LOC400499: variants seen among roughly 807,000 people sequenced by gnomAD.
chr16:11,470,201 C>T, the LOC400499 span, among the ~76,000 whole-genome samples: 4 of 152,200 alleles, frequency 2.6e-5, no homozygotes, highest in East Asian at 1.9e-4. Flanking sequence ...TGAGCCACTG[C>T]GCCTGGCCTC....
the LOC400499 span, among the ~76,000 whole-genome samples, chr16:11,489,948 G>A: frequency 6.6e-6 from 1 of 152,124 alleles, no homozygotes; most frequent in South Asian, 2.1e-4. Context: ...TGCTTCTAAC[G>A]GCAAAAGACC....
chr16:11,445,997 A>G, the LOC400499 span, among the ~76,000 whole-genome samples: 1 of 150,920 alleles, frequency 6.6e-6, no homozygotes, highest in East Asian at 2.0e-4. Context: ...TCTAGTTTTT[A>G]TATTTTTAGT....
At chr16:11,388,722 C>A in the LOC400499 span, among the ~76,000 whole-genome samples, 1 of 152,180 alleles carries the variant, frequency 6.6e-6, no homozygotes, top group Non-Finnish European at 1.5e-5. Context: ...CCCACCTACC[C>A]GCCTCCCCAG....
At chr16:11,389,298 G>A in the LOC400499 span, among the ~76,000 whole-genome samples, 1 of 152,228 alleles carries the variant, frequency 6.6e-6, no homozygotes, top group Non-Finnish European at 1.5e-5. Flanking sequence ...GTATAGCTCA[G>A]GGGTGGTAAA....
chr16:11,473,581 C>T, the LOC400499 span, among the ~76,000 whole-genome samples: 1 of 152,026 alleles, frequency 6.6e-6, no homozygotes, highest in Admixed American at 6.6e-5. Flanking sequence ...GTGGTAAAAC[C>T]CTGTCTCCAC....
the LOC400499 span, chr16:11,456,859 C>T: frequency 6.4e-5 from 98 of 1,536,272 alleles, no homozygotes; most frequent in African/African-American, 1.1e-3. Context: ...CAACACTCAC[C>T]TTCCCACTTC....
At chr16:11,405,733 C>G in the LOC400499 span, among the ~76,000 whole-genome samples, 1 of 152,184 alleles carries the variant, frequency 6.6e-6, no homozygotes, top group Non-Finnish European at 1.5e-5. Flanking sequence ...GGGGCTTCCT[C>G]ACTGCTCACT....
At chr16:11,398,274 C>A in the LOC400499 span, 1 of 1,198,082 alleles carries the variant, frequency 8.3e-7, no homozygotes, top group Non-Finnish European at 1.0e-6. Flanking sequence ...ATTCTGCGGG[C>A]ACCACCCTCA....
chr16:11,430,384 G>T, the LOC400499 span, among the ~76,000 whole-genome samples: 1 of 152,098 alleles, frequency 6.6e-6, no homozygotes, highest in Non-Finnish European at 1.5e-5. Flanking sequence ...AAGCTACTCG[G>T]GAGGCTGAGG....
the LOC400499 span, among the ~76,000 whole-genome samples, chr16:11,503,873 C>T: frequency 6.6e-6 from 1 of 152,240 alleles, no homozygotes; most frequent in African/African-American, 2.4e-5. Context: ...GCCTAAAAGA[C>T]TCTATTGCCC....
At chr16:11,415,281 C>T in the LOC400499 span, among the ~76,000 whole-genome samples, 9 of 152,202 alleles carry the variant, frequency 5.9e-5, no homozygotes, top group African/African-American at 2.2e-4. Context: ...CCAGGAGCCC[C>T]AGAGCAAACA....
chr16:11,448,962 TG>T, the LOC400499 span: 1 of 1,504,180 alleles, frequency 6.6e-7, no homozygotes, highest in Non-Finnish European at 8.9e-7. Flanking sequence ...CAGCTCCTGC[TG>T]GGGGCCTTTC....
the LOC400499 span, among the ~76,000 whole-genome samples, chr16:11,427,158 G>T: frequency 6.6e-6 from 1 of 151,236 alleles, no homozygotes; most frequent in African/African-American, 2.4e-5. Flanking sequence ...AGGAGTTCAA[G>T]ACCAGCCTGA....
chr16:11,446,862 G>C, the LOC400499 span: 19 of 1,536,066 alleles, frequency 1.2e-5, 1 homozygote, highest in East Asian at 3.9e-4. Context: ...CAGCTGTGAA[G>C]GTCTCCTGCA....
chr16:11,493,597 C>T, the LOC400499 span: 3 of 395,754 alleles, frequency 7.6e-6, no homozygotes, highest in African/African-American at 6.2e-5. Context: ...GTTCGAGACC[C>T]ACCACCACCC....
the LOC400499 span, among the ~76,000 whole-genome samples, chr16:11,422,562 C>T: frequency 4.6e-5 from 2 of 43,910 alleles, no homozygotes; most frequent in East Asian, 2.0e-3. Flanking sequence ...GGCCCCTCAC[C>T]TGTTTTATGT....
At chr16:11,440,797 C>G in the LOC400499 span, 1 of 399,066 alleles carries the variant, frequency 2.5e-6, no homozygotes. Context: ...GGGACTCTGT[C>G]TAAAGATGAT....
chr16:11,435,130 C>G, the LOC400499 span, among the ~76,000 whole-genome samples: 1 of 151,954 alleles, frequency 6.6e-6, no homozygotes, highest in Non-Finnish European at 1.5e-5. Context: ...CAGGTGCATG[C>G]CACCACATCT....
chr16:11,442,475 G>A, the LOC400499 span: 85,152 of 151,890 alleles, frequency 0.56, 24,089 homozygotes, highest in South Asian at 0.64. Context: ...CGCCTGCCTC[G>A]GCCTCCCAAA....
Sources: allele counts gnomAD v4.1 joint callset (sites outside exome capture counted in the v4.1 genomes callset), GRCh38; gene constraint gnomAD v4.1.1; transcripts MANE v1.5.